Variants in RORA observed in about 807,000 individuals in gnomAD.
RORA encodes nuclear receptor ROR-alpha.
In RORA, 7 loss-of-function variants were observed where a neutral mutation model predicts 69.5. That is an observed-to-expected ratio of 0.10 (90% CI 0.06 to 0.19). The LOEUF (loss-of-function observed/expected upper bound fraction) is 0.19, where lower values mean the gene tolerates loss of function less well. Among genes scored for constraint, RORA ranks in the 10% least tolerant of loss-of-function variants. The probability of loss-of-function intolerance (pLI) is 1.00; values close to 1 mark genes in which losing one functional copy is unlikely to be tolerated. For synonymous variants in RORA, 261 were observed against 240.8 expected, an observed-to-expected ratio of 1.08 and a Z score of -0.78; for missense variants, 457 against 663.0, an observed-to-expected ratio of 0.69 and a Z score of 3.41.
chr15:60,870,364 G>A (rs932556614), intron 1 of RORA, among the ~76,000 whole-genome samples: 1 of 152,168 alleles, frequency 6.6e-6, no homozygotes, highest in Non-Finnish European at 1.5e-5. Flanking sequence ...TATGGACAGC[G>A]ATTTTTGTGG....
intron 1 of RORA, among the ~76,000 whole-genome samples, chr15:61,217,749 T>C (rs778209609): frequency 1.3e-5 from 2 of 152,120 alleles, no homozygotes; most frequent in Non-Finnish European, 2.9e-5. Context: ...CACACTGATG[T>C]CAGCTCCAAG....
At chr15:60,857,205 A>G (rs564490827) in intron 1 of RORA, among the ~76,000 whole-genome samples, 95 of 152,300 alleles carry the variant, frequency 6.2e-4, no homozygotes, top group African/African-American at 2.3e-3. Context: ...GTTGAGGGGC[A>G]CATGGGTGAA....
chr15:61,015,635 A>T (rs902819586), intron 1 of RORA, among the ~76,000 whole-genome samples: 10 of 152,174 alleles, frequency 6.6e-5, no homozygotes, highest in African/African-American at 2.4e-4. Flanking sequence ...AATGCCATGA[A>T]GTCTGTGCTA....
At chr15:60,748,032 A>T (rs2071672633) in intron 1 of RORA, among the ~76,000 whole-genome samples, 1 of 152,216 alleles carries the variant, frequency 6.6e-6, no homozygotes, top group African/African-American at 2.4e-5. Flanking sequence ...TTCAGTTACA[A>T]GCAAACTTGC....
At chr15:61,076,766 C>T (rs899650419) in intron 1 of RORA, among the ~76,000 whole-genome samples, 18 of 152,146 alleles carry the variant, frequency 1.2e-4, no homozygotes, top group African/African-American at 4.3e-4. Context: ...CCTTGAACTG[C>T]CATCAACCGG....
At chr15:60,917,291 C>T (rs1180099127) in intron 1 of RORA, among the ~76,000 whole-genome samples, 3 of 152,210 alleles carry the variant, frequency 2.0e-5, no homozygotes, top group East Asian at 1.9e-4. Context: ...TTTTACGTGG[C>T]AAAGCCATTT....
intron 2 of RORA, among the ~76,000 whole-genome samples, chr15:60,660,471 T>TAA: frequency 6.6e-6 from 1 of 152,338 alleles, no homozygotes; most frequent in South Asian, 2.1e-4. Flanking sequence ...CTGGATTTCT[T>TAA]AGACCGTGGA....
chr15:60,765,425 G>C (rs1052294489), intron 1 of RORA: 2 of 151,982 alleles, frequency 1.3e-5, no homozygotes, highest in African/African-American at 4.8e-5. Context: ...TTAGGATACT[G>C]ACAGTCTTTT....
chr15:60,496,138 T>C lies in RORA; in HGVS notation c.*1317A>G, dbSNP rs1393878289. 2 of 152,318 alleles carry C rather than the reference T, an allele frequency of 1.3e-5. No individual in the cohort carries two copies. Among genetic ancestry groups the C allele is most frequent in the Non-Finnish European group, 2.9e-5 (2 of 68,028 alleles). 9.4% of individuals were successfully genotyped at this position (152,318 alleles called of 1,614,324 possible). A position where few individuals can be genotyped will look rare whatever the true frequency, so the allele number is the denominator to read the frequency against. ...TATGGAGAGCAACATTCTTGAATTA[T>C]AGCATCTATTGACAACAAATCTAGA... On this transcript the variant is annotated 3_prime_UTR_variant, in exon 11 of 11. Transcript: ENST00000335670. This position sits in a 1 kb window ranked among gnomAD's most constrained non-coding sequence, Gnocchi z 4.5.
intron 2 of RORA, among the ~76,000 whole-genome samples, chr15:60,594,609 G>A (rs2068627489): frequency 6.6e-6 from 1 of 152,176 alleles, no homozygotes; most frequent in Non-Finnish European, 1.5e-5. Flanking sequence ...TGACTCCAAG[G>A]TGAATAATCT....
intron 1 of RORA, among the ~76,000 whole-genome samples, chr15:61,145,724 G>A (rs2079339755): frequency 6.6e-6 from 1 of 152,128 alleles, no homozygotes; most frequent in Non-Finnish European, 1.5e-5. Context: ...AAAAGACTGA[G>A]GTGGAATCTC....
chr15:60,779,671 C>G (rs1348153853), intron 1 of RORA, among the ~76,000 whole-genome samples: 2 of 152,236 alleles, frequency 1.3e-5, no homozygotes, highest in Non-Finnish European at 2.9e-5. Context: ...AAAAGTCAAG[C>G]TGGTGGTCAC....
At chr15:60,790,490 C>T (rs2072399823) in intron 1 of RORA, among the ~76,000 whole-genome samples, 1 of 152,178 alleles carries the variant, frequency 6.6e-6, no homozygotes, top group African/African-American at 2.4e-5. Flanking sequence ...GGCACCATGG[C>T]CTCAGGAAGA....
chr15:60,737,964 A>G (rs1343010088), intron 1 of RORA, among the ~76,000 whole-genome samples: 1 of 152,242 alleles, frequency 6.6e-6, no homozygotes, highest in Non-Finnish European at 1.5e-5. Context: ...TACAAGTGCA[A>G]GTTAAGTGCG....
At chr15:61,056,548 T>C (rs1048512230) in intron 1 of RORA, among the ~76,000 whole-genome samples, 3 of 152,206 alleles carry the variant, frequency 2.0e-5, no homozygotes, top group African/African-American at 7.2e-5. Flanking sequence ...GGATCAACCA[T>C]GATGTGATTC....
At chr15:60,850,755 C>T (rs976639530) in intron 1 of RORA, among the ~76,000 whole-genome samples, 8 of 152,306 alleles carry the variant, frequency 5.3e-5, no homozygotes, top group Admixed American at 2.6e-4. Context: ...ACTGGTGCAG[C>T]ATCCTCCCAG....
chr15:61,106,621 C>T (rs1377574103), intron 1 of RORA, among the ~76,000 whole-genome samples: 1 of 152,170 alleles, frequency 6.6e-6, no homozygotes, highest in African/African-American at 2.4e-5. Flanking sequence ...CCCATCTATA[C>T]TTCTCAAACA....
intron 1 of RORA, among the ~76,000 whole-genome samples, chr15:60,829,262 AT>A (rs1298489369): frequency 2.6e-5 from 4 of 152,140 alleles, no homozygotes; most frequent in Non-Finnish European, 5.9e-5. Flanking sequence ...GGCTAATGGA[AT>A]TCAGCAGGTC....
intron 2 of RORA, among the ~76,000 whole-genome samples, chr15:60,554,819 G>GAA (rs2067314486): frequency 6.6e-6 from 1 of 152,114 alleles, no homozygotes. Context: ...AAAGAGAAGA[G>GAA]AGAAGAGCCC....
Sources: allele counts gnomAD v4.1 joint callset (sites outside exome capture counted in the v4.1 genomes callset), GRCh38; gene constraint gnomAD v4.1.1; non-coding constraint Gnocchi (gnomAD v3.1); transcripts MANE v1.5; gene names NCBI Gene and HGNC (gene_info 2026-07-23, HGNC 2026-07-21).